Variants in HSPA2 observed in about 807,000 individuals in gnomAD.
HSPA2 encodes the protein heat shock protein family A (Hsp70) member 2.
A neutral mutation model predicts 35.0 loss-of-function variants in HSPA2; 13 were observed. The ratio of observed to expected loss-of-function variants is 0.37; its 90% confidence interval spans 0.24 to 0.59. The LOEUF (loss-of-function observed/expected upper bound fraction) is 0.59. Ranked by LOEUF, HSPA2 falls within the 20% of genes least tolerant of loss-of-function variation. The pLI, the probability that HSPA2 is intolerant of heterozygous loss-of-function variation, is 0.70. For synonymous variants in HSPA2, 368 were observed against 382.1 expected, an observed-to-expected ratio of 0.96 and a Z score of 0.43; for missense variants, 565 against 885.4, an observed-to-expected ratio of 0.64 and a Z score of 4.59.
chr14:64,539,715 T>C (rs2080008615), upstream of HSPA2, among the ~76,000 whole-genome samples: 1 of 152,028 alleles, frequency 6.6e-6, no homozygotes, highest in Non-Finnish European at 1.5e-5. Flanking sequence ...GGAGTCTCGC[T>C]CAGTCGCCCA....
At position 64,541,738 on chromosome 14, in the gene HSPA2, T is replaced by A. The variant is rs763391875; in HGVS notation, c.889T>A (p.Tyr297Asn). The A allele has an allele frequency of 1.2e-5, 19 of 1,612,214 alleles. No homozygotes were observed. The Admixed American group carries it at 3.2e-4, about 27-fold the overall frequency. ...IDSLYEGVDF[Y>N]TSITRARFEE... Reference sequence around the variant, plus strand: ...CTCGCTCTACGAGGGCGTGGACTTCTATACGTCCATCACGCGCGCCCGCTT... The same window carrying A: ...CTCGCTCTACGAGGGCGTGGACTTCAATACGTCCATCACGCGCGCCCGCTT... The change falls in exon 1 of 1, where the codon TAT becomes AAT. Residue 297 changes from tyrosine (Y) to asparagine (N), a missense_variant. Transcript: ENST00000247207.
upstream of HSPA2, among the ~76,000 whole-genome samples, chr14:64,538,413 C>G (rs1449150803): frequency 6.6e-6 from 1 of 152,192 alleles, no homozygotes; most frequent in South Asian, 2.1e-4. Flanking sequence ...CCTGAAGAGC[C>G]TATTGCTTGC....
upstream of HSPA2, among the ~76,000 whole-genome samples, chr14:64,537,253 G>T (rs561926893): frequency 6.7e-6 from 1 of 149,366 alleles, no homozygotes; most frequent in Non-Finnish European, 1.5e-5. Flanking sequence ...ACAAAGAAAA[G>T]AAAAGAAAGA....
Position 64,542,406 on chromosome 14 carries a change from C to T in HSPA2, c.1557C>T (p.Asp519=), listed in dbSNP as rs1259826362. 1.2e-6 allele frequency: 2 copies of T among 1,613,850 alleles called. No homozygotes were observed. The highest frequency in any genetic ancestry group is 1.3e-5 in the African/African-American group (1 of 74,890). ...GTCGTCTGAGCAAGGACGACATTGACCGGATGGTGCAGGAGGCGGAGCGGT... is the reference window on the plus strand; with the variant it reads ...GTCGTCTGAGCAAGGACGACATTGATCGGATGGTGCAGGAGGCGGAGCGGT... The part of the protein sequence containing the change: ...DKGRLSKDDI[D]RMVQEAERYK... The change falls in exon 1 of 1, where the codon GAC becomes GAT. Residue 519 remains aspartate, a synonymous_variant. Coordinates refer to ENST00000247207, the MANE Select transcript of HSPA2 (RefSeq NM_021979.4). The surrounding 1 kb of genome is among the most constrained non-coding windows in gnomAD (Gnocchi z 5.7).
rs775028210 is a variant in HSPA2, at chr14:64,541,599, C to T, written c.750C>T (p.Arg250=). 1 of 1,611,714 alleles carries T rather than the reference C, an allele frequency of 6.2e-7. No individual in the cohort carries two copies. The highest frequency in any genetic ancestry group is 1.1e-5 in the South Asian group (1 of 91,082). Residue 250 remains arginine (R), a synonymous_variant, in exon 1 of 1, where the codon CGC becomes CGT. Transcript: ENST00000247207. ...MVSHLAEEFK[R]KHKKDIGPNK... is the part of the protein sequence containing the mutation. Reference sequence around the variant, plus strand: ...GCCACCTGGCGGAGGAGTTCAAGCGCAAGCACAAGAAGGACATTGGGCCCA... The same window carrying T: ...GCCACCTGGCGGAGGAGTTCAAGCGTAAGCACAAGAAGGACATTGGGCCCA...
In HSPA2 at chr14:64,541,584, G is replaced by A. The variant is rs774295606; in HGVS notation, c.735G>A (p.Ala245=). 32 of 1,612,150 alleles carry A rather than the reference G, an allele frequency of 2.0e-5. No homozygotes were observed. In the East Asian group the frequency reaches 3.3e-4, roughly 17 times the overall value. The change falls in exon 1 of 1, where the codon GCG becomes GCA. Residue 245 remains alanine, a synonymous_variant. Coordinates refer to ENST00000247207, the MANE Select transcript of HSPA2 (RefSeq NM_021979.4). The part of the protein sequence containing the change: ...DFDNRMVSHL[A]EEFKRKHKKD... ...ACAACCGCATGGTGAGCCACCTGGC[G>A]GAGGAGTTCAAGCGCAAGCACAAGA...
At position 64,541,608 on chromosome 14, in the gene HSPA2, GA is replaced by G; in HGVS notation, c.761del (p.Lys254ArgfsTer10). ...LAEEFKRKHK[K>X]DIGPNKRAVR... ...CGGAGGAGTTCAAGCGCAAGCACAAGAAGGACATTGGGCCCAACAAGCGCGC... is the reference window on the plus strand; with the variant it reads ...CGGAGGAGTTCAAGCGCAAGCACAAGAGGACATTGGGCCCAACAAGCGCGC... On this transcript the variant is annotated frameshift_variant, in exon 1 of 1. Transcript: ENST00000247207. LOFTEE classifies it high-confidence loss of function. 1 of 1,611,534 alleles carries G rather than the reference GA, an allele frequency of 6.2e-7. No individual in the cohort carries two copies. Among genetic ancestry groups the G allele is most frequent in the Non-Finnish European group, 8.5e-7 (1 of 1,179,876 alleles).
upstream of HSPA2, chr14:64,540,640 TG>T: frequency 2.9e-6 from 2 of 691,570 alleles, no homozygotes; most frequent in Non-Finnish European, 4.7e-6. Context: ...GGCAAGCCTG[TG>T]GTGGAGCTGG....
chr14:64,537,729 C>CTT (rs1454024408), upstream of HSPA2, among the ~76,000 whole-genome samples: 4 of 98,736 alleles, frequency 4.1e-5, no homozygotes, highest in South Asian at 1.3e-3. Context: ...ATTTTCTTTT[C>CTT]TTTTTCTTTT....
At position 64,541,741 on chromosome 14, in the gene HSPA2, A is replaced by C; in HGVS notation, c.892A>C (p.Thr298Pro). The C allele has an allele frequency of 6.2e-7, 1 of 1,612,146 alleles. No individual in the cohort carries two copies. The highest frequency in any genetic ancestry group is 8.5e-7 in the Non-Finnish European group (1 of 1,179,552). Residue 298 changes from threonine (T) to proline (P), a missense_variant, in exon 1 of 1, where the codon ACG (threonine) becomes CCG (proline). By Grantham distance (38) the Thr-to-Pro change is conservative (BLOSUM62 -1). Coordinates refer to ENST00000247207, the MANE Select transcript of HSPA2 (RefSeq NM_021979.4). ...GCTCTACGAGGGCGTGGACTTCTAT[A>C]CGTCCATCACGCGCGCCCGCTTCGA... Reference protein sequence around the residue: ...DSLYEGVDFYTSITRARFEEL... With the variant: ...DSLYEGVDFYPSITRARFEEL...
At chr14:64,538,872 C>T (rs45458795), upstream of HSPA2, among the ~76,000 whole-genome samples, 2 of 152,234 alleles carry the variant, frequency 1.3e-5, no homozygotes, top group South Asian at 4.1e-4. Context: ...GAGTCTCGTT[C>T]TGTCGCCCAG....
At chr14:64,540,199 T>A (rs1272301287), upstream of HSPA2, 1 of 154,278 alleles carries the variant, frequency 6.5e-6, no homozygotes, top group East Asian at 1.9e-4. Flanking sequence ...ATTTCTTCGG[T>A]GCAACCAACT....
Position 64,542,537 on chromosome 14 carries a change from G to A in HSPA2, c.1688G>A (p.Gly563Asp). ...KQTVEDEKLR[G>D]KISEQDKNKI... ...ACGGTGGAAGACGAGAAACTGAGGG[G>A]CAAGATTAGCGAGCAGGACAAAAAC... The change falls in exon 1 of 1, where the codon GGC becomes GAC. Residue 563 changes from glycine (G) to aspartate (D), a missense_variant. This residue lies in a region of HSPA2 where 147 missense variants were observed against 166.7 expected (regional missense o/e 0.88). Coordinates refer to ENST00000247207, the MANE Select transcript of HSPA2 (RefSeq NM_021979.4). This position sits in a 1 kb window ranked among gnomAD's most constrained non-coding sequence, Gnocchi z 5.7. 6.2e-7 allele frequency: 1 copy of A among 1,613,458 alleles called. No homozygotes were observed. Among genetic ancestry groups the A allele is most frequent in the South Asian group, 1.1e-5 (1 of 91,062 alleles).
chr14:64,541,542 G>A lies in HSPA2; in HGVS notation c.693G>A (p.Leu231=), dbSNP rs2080031635. ...AGTCCACGGCCGGCGACACCCACCT[G>A]GGCGGTGAGGACTTCGACAACCGCA... is the stretch of plus-strand genomic sequence containing the variant. ...EVKSTAGDTH[L]GGEDFDNRMV... The change falls in exon 1 of 1, where the codon CTG becomes CTA. Residue 231 remains leucine, a synonymous_variant. Coordinates refer to ENST00000247207, the MANE Select transcript of HSPA2 (RefSeq NM_021979.4). 1.4e-5 allele frequency: 22 copies of A among 1,613,256 alleles called. No homozygotes were observed. Among genetic ancestry groups the A allele is most frequent in the Non-Finnish European group, 1.9e-5 (22 of 1,179,946 alleles).
upstream of HSPA2, chr14:64,540,556 C>A (rs2080018931): frequency 2.1e-6 from 1 of 465,876 alleles, no homozygotes; most frequent in African/African-American, 2.0e-5. Flanking sequence ...CCCTCTGTCT[C>A]CTGGCGGGGG....
chr14:64,540,547 C>T (rs994878821), upstream of HSPA2: 2 of 441,982 alleles, frequency 4.5e-6, no homozygotes, highest in African/African-American at 4.0e-5. Flanking sequence ...AACGGCCGCC[C>T]CTCTGTCTCC....
chr14:64,543,126 A>G lies in HSPA2; in HGVS notation c.*357A>G, dbSNP rs1421833715. ...ATAGGAGCTTAAATTGTTTATTTTT[A>G]TGTACTACTTTAAAACTAAACTGAA... On this transcript the variant is annotated 3_prime_UTR_variant, in exon 1 of 1. Transcript: ENST00000247207. 1 of 299,790 alleles carries G rather than the reference A, an allele frequency of 3.3e-6. No individual in the cohort carries two copies. The allele number at this position is 299,790 out of a possible 1,614,324, so 18.6% of individuals were successfully genotyped here. A position where few individuals can be genotyped will look rare whatever the true frequency, so the allele number is the denominator to read the frequency against.
rs1482835145 is a variant in HSPA2 at position 64,540,751 on chromosome 14, T to C, written c.-99T>C. The C allele has an allele frequency of 4.6e-6, 7 of 1,530,482 alleles. No individual in the cohort carries two copies. The highest frequency in any genetic ancestry group is 6.2e-6 in the Non-Finnish European group (7 of 1,134,876). The allele number at this position is 1,530,482 out of a possible 1,614,324, so 94.8% of individuals were successfully genotyped here. A position where few individuals can be genotyped will look rare whatever the true frequency, so the allele number is the denominator to read the frequency against. On this transcript the variant is annotated 5_prime_UTR_variant, in exon 1 of 1. Transcript: ENST00000247207. ...TGGGCGCGGGGAGCTGAGTTGCTGGTAGTGCCCGTGGTGCTTGGTTCGAGG... is the reference window on the plus strand; with the variant it reads ...TGGGCGCGGGGAGCTGAGTTGCTGGCAGTGCCCGTGGTGCTTGGTTCGAGG...
rs1210602643 is a variant in HSPA2, at chr14:64,541,111, A to G, written c.262A>G (p.Met88Val). Residue 88 changes from methionine to valine, a missense_variant, in exon 1 of 1, where the codon ATG (methionine) becomes GTG (valine). Transcript: ENST00000247207. ...CGAGGATGCCACAGTGCAGTCGGAT[A>G]TGAAACACTGGCCGTTCCGGGTGGT... Reference protein sequence around the residue: ...KFEDATVQSDMKHWPFRVVSE... With the variant: ...KFEDATVQSDVKHWPFRVVSE... 12 of 1,614,120 alleles carry G rather than the reference A, an allele frequency of 7.4e-6. No homozygotes were observed. The highest frequency in any genetic ancestry group is 6.7e-5 in the East Asian group (3 of 44,892).
Sources: gnomAD v4.1 joint callset for allele counts (sites outside exome capture counted in the v4.1 genomes callset) on GRCh38, gnomAD v4.1.1 for gene constraint, gnomAD v4.1.1 regional missense constraint, Gnocchi (gnomAD v3.1) non-coding constraint, MANE v1.5 for transcripts, NCBI Gene and HGNC (gene_info 2026-07-23, HGNC 2026-07-21) for gene names.